Variants in SGCD observed in about 807,000 individuals in gnomAD.
SGCD encodes delta-sarcoglycan.
A neutral mutation model predicts 36.6 loss-of-function variants in SGCD; 18 were observed. That is an observed-to-expected ratio of 0.49 (90% CI 0.34 to 0.73). SGCD has a LOEUF of 0.73. Ranked by LOEUF, SGCD falls within the 30% of genes least tolerant of loss-of-function variation. SGCD has a pLI of 0.01. For synonymous variants in SGCD, 133 were observed against 130.6 expected, an observed-to-expected ratio of 1.02 and a Z score of -0.12; for missense variants, 387 against 346.7, an observed-to-expected ratio of 1.12 and a Z score of -0.92.
chr5:156,619,115 T>G (rs897560401), intron 6 of SGCD, among the ~76,000 whole-genome samples: 2 of 150,940 alleles, frequency 1.3e-5, no homozygotes, highest in Non-Finnish European at 2.9e-5. Flanking sequence ...AAGCTCCGCC[T>G]CCCAGCTTCA....
intron 3 of SGCD, among the ~76,000 whole-genome samples, chr5:156,145,353 T>A (rs1203588082): frequency 1.3e-5 from 2 of 152,214 alleles, no homozygotes; most frequent in Non-Finnish European, 2.9e-5. Context: ...CTGCCATGCT[T>A]TCTGTACAGC....
chr5:155,904,334 A>G (rs1169931100), intron 1 of SGCD, among the ~76,000 whole-genome samples: 1 of 152,184 alleles, frequency 6.6e-6, no homozygotes, highest in East Asian at 1.9e-4. Context: ...CAGAGCTTCA[A>G]CCTCATTTGT....
intron 3 of SGCD, among the ~76,000 whole-genome samples, chr5:156,182,987 T>C (rs893866003): frequency 1.3e-5 from 2 of 152,162 alleles, no homozygotes; most frequent in African/African-American, 2.4e-5. Context: ...GCCTTTAAAG[T>C]AATTATTATA....
chr5:156,136,830 C>T (rs1004027847), intron 3 of SGCD, among the ~76,000 whole-genome samples: 19 of 151,968 alleles, frequency 1.3e-4, no homozygotes, highest in Non-Finnish European at 2.4e-4. Context: ...GGTTAAACCC[C>T]AAGTGGCAAA....
intron 7 of SGCD, among the ~76,000 whole-genome samples, chr5:156,732,048 G>C (rs184180132): frequency 3.9e-5 from 6 of 152,236 alleles, no homozygotes; most frequent in African/African-American, 7.2e-5. Context: ...TTTGGGCTAA[G>C]ACCATGGGGT....
chr5:155,759,073 C>T, the SGCD span, among the ~76,000 whole-genome samples: 1 of 151,818 alleles, frequency 6.6e-6, no homozygotes, highest in Admixed American at 6.6e-5. Context: ...AACTTCTAGG[C>T]TCAAGTGATC....
intron 3 of SGCD, among the ~76,000 whole-genome samples, chr5:156,385,124 G>C (rs1212722453): frequency 6.6e-6 from 1 of 152,254 alleles, no homozygotes; most frequent in African/African-American, 2.4e-5. Context: ...GTGAAGTGCA[G>C]TGGAAAGAGC....
intron 3 of SGCD, among the ~76,000 whole-genome samples, chr5:156,178,330 A>G (rs1427694447): frequency 6.6e-6 from 1 of 152,172 alleles, no homozygotes; most frequent in Admixed American, 6.6e-5. Context: ...GTCAGCGTGG[A>G]GAGAGATTTC....
rs1757545859 is a variant in SGCD, at chr5:156,764,198, T to TA, written c.*4808_*4809insA. 6.6e-6 allele frequency: 1 copy of TA among 152,606 alleles called. No individual in the cohort carries two copies. The highest frequency in any genetic ancestry group is 1.5e-5 in the Non-Finnish European group (1 of 68,022). The allele number at this position is 152,606 out of a possible 1,614,324, so 9.5% of individuals were successfully genotyped here. The stretch of plus-strand genomic sequence containing the variant: ...CAGGCCTTTTATCTCAAAGATAAAA[T>TA]GTCTTTCTTGTGGTCTTTCATCACT... On this transcript the variant is annotated 3_prime_UTR_variant, in exon 9 of 9. Transcript: ENST00000337851.
chr5:155,780,771 C>T, the SGCD span, among the ~76,000 whole-genome samples: 14 of 152,210 alleles, frequency 9.2e-5, no homozygotes, highest in Admixed American at 2.6e-4. Context: ...TTTTTGTATT[C>T]GTAATACACT....
chr5:156,494,355 G>A (rs535854991), intron 3 of SGCD, among the ~76,000 whole-genome samples: 43 of 145,386 alleles, frequency 3.0e-4, no homozygotes, highest in Non-Finnish European at 5.3e-4. Flanking sequence ...TTTTTTTGAG[G>A]ACTCTAACAC....
intron 3 of SGCD, among the ~76,000 whole-genome samples, chr5:156,258,928 C>T (rs1561588086): frequency 6.6e-6 from 1 of 151,874 alleles, no homozygotes; most frequent in Non-Finnish European, 1.5e-5. Flanking sequence ...AAACTCTTTA[C>T]TCTCTTAATT....
At chr5:155,853,625 A>C in the SGCD span, among the ~76,000 whole-genome samples, 9 of 152,294 alleles carry the variant, frequency 5.9e-5, no homozygotes, top group South Asian at 1.9e-3. Flanking sequence ...CTCTTTGATA[A>C]TGTTCTCTGT....
chr5:156,621,093 AAT>A (rs1233074319), intron 6 of SGCD, among the ~76,000 whole-genome samples: 8 of 152,182 alleles, frequency 5.3e-5, no homozygotes, highest in Admixed American at 3.3e-4. Flanking sequence ...ACATTCAACA[AAT>A]ACTAATTGAG....
intron 1 of SGCD, among the ~76,000 whole-genome samples, chr5:155,904,095 G>T (rs956839585): frequency 6.6e-6 from 1 of 152,172 alleles, no homozygotes; most frequent in Non-Finnish European, 1.5e-5. Flanking sequence ...GTGAAAATAG[G>T]CATCTTCATA....
intron 3 of SGCD, among the ~76,000 whole-genome samples, chr5:156,491,984 A>T (rs1755967273): frequency 6.6e-6 from 1 of 152,006 alleles, no homozygotes; most frequent in South Asian, 2.1e-4. Context: ...TTTCCCTGTC[A>T]TCAGAAGTAG....
At chr5:155,903,541 G>C (rs1013995901) in intron 1 of SGCD, among the ~76,000 whole-genome samples, 1 of 152,152 alleles carries the variant, frequency 6.6e-6, no homozygotes, top group Non-Finnish European at 1.5e-5. Context: ...TACTGAGCAG[G>C]AGCCTCTGAG....
chr5:156,704,225 T>C (rs1207968998), intron 7 of SGCD: 1 of 152,174 alleles, frequency 6.6e-6, no homozygotes, highest in Non-Finnish European at 1.5e-5. Flanking sequence ...GGCTCTTGCA[T>C]AGTTCTGTCC....
intron 1 of SGCD, among the ~76,000 whole-genome samples, chr5:155,984,436 A>G (rs190635337): frequency 3.3e-5 from 5 of 152,368 alleles, no homozygotes; most frequent in Non-Finnish European, 5.9e-5. Context: ...CCAGAGGAAC[A>G]GCTTGAGTAT....
Sources: gnomAD v4.1 joint callset for allele counts (sites outside exome capture counted in the v4.1 genomes callset) on GRCh38, gnomAD v4.1.1 for gene constraint, MANE v1.5 for transcripts, NCBI Gene and HGNC (gene_info 2026-07-23, HGNC 2026-07-21) for gene names.